ARL9: variants seen among roughly 807,000 people sequenced by gnomAD.
ARL9 encodes the protein ARF like GTPase 9.
ARL9 carries 14 observed loss-of-function variants against 27.0 expected under a neutral mutation model. The ratio of observed to expected loss-of-function variants is 0.52; its 90% CI spans 0.34 to 0.81. The LOEUF (loss-of-function observed/expected upper bound fraction) is 0.81. Ranked by LOEUF, ARL9 falls within the 30% of genes least tolerant of loss-of-function variation. The pLI, the probability that ARL9 is intolerant of heterozygous loss-of-function variation, is 0.01. For synonymous variants in ARL9, 106 were observed against 108.7 expected, an observed-to-expected ratio of 0.98 and a Z score of 0.15; for missense variants, 294 against 290.0, an observed-to-expected ratio of 1.01 and a Z score of -0.10.
chr4:56,505,938 G>A lies in ARL9; in HGVS notation c.76G>A (p.Glu26Lys). The change falls in exon 1 of 4, where the codon GAA (glutamate) becomes AAA (lysine). Residue 26 changes from glutamate (E) to lysine (K), a missense_variant. Glu to Lys is a moderately conservative substitution (Grantham distance 56). Coordinates refer to ENST00000640821, the MANE Select transcript of ARL9 (RefSeq NM_001363794.2). ...GGAGAAAATCGGAGAAAAGGGTAGG[G>A]AAGAGAAAGTGAAAAGAAAGGAGGT... ...QEEKIGEKGREEKVKRKEVEQ... is the reference protein window; with the variant it reads ...QEEKIGEKGRKEKVKRKEVEQ... 8.1e-7 allele frequency: 1 copy of A among 1,232,284 alleles called. No homozygotes were observed. The highest frequency in any genetic ancestry group is 1.0e-6 in the Non-Finnish European group (1 of 984,808). 76.3% of individuals were successfully genotyped at this position (1,232,284 alleles called of 1,614,324 possible).
At chr4:56,521,224 A>C (rs1721906940) in intron 3 of ARL9, among the ~76,000 whole-genome samples, 1 of 152,182 alleles carries the variant, frequency 6.6e-6, no homozygotes, top group East Asian at 1.9e-4. Context: ...AAACAAAAAA[A>C]AAAAAAAAAG....
chr4:56,523,711 C>T lies in ARL9; in HGVS notation c.633C>T (p.Ala211=). ...VFANKQDLEA[A]YHITDIHEAL... ...TCCGGATGAAGGATCTTGAAGCAGCCTATCACATTACAGATATCCATGAAG... is the reference window on the plus strand; with the variant it reads ...TCCGGATGAAGGATCTTGAAGCAGCTTATCACATTACAGATATCCATGAAG... The change falls in exon 4 of 4, where the codon GCC becomes GCT. Residue 211 remains alanine (A), a synonymous_variant. Transcript: ENST00000640821. 6.2e-7 allele frequency: 1 copy of T among 1,613,022 alleles called. No individual in the cohort carries two copies. The highest frequency in any genetic ancestry group is 8.5e-7 in the Non-Finnish European group (1 of 1,179,400).
chr4:56,518,585 G>A (rs966193238), intron 2 of ARL9, 93 bp from the exon 3 acceptor site: 73 of 1,104,990 alleles, frequency 6.6e-5, no homozygotes, highest in Middle Eastern at 2.1e-4. Flanking sequence ...CCTGTCCTGT[G>A]TTCAGAAATC....
chr4:56,507,578 G>A (rs1578206464), intron 1 of ARL9, among the ~76,000 whole-genome samples: 1 of 150,814 alleles, frequency 6.6e-6, no homozygotes, highest in East Asian at 2.0e-4. Flanking sequence ...GCCTCCCAAA[G>A]TGCTGGGATT....
At chr4:56,520,598 A>C (rs1452833496) in intron 3 of ARL9, among the ~76,000 whole-genome samples, 1 of 152,196 alleles carries the variant, frequency 6.6e-6, no homozygotes, top group East Asian at 1.9e-4. Context: ...GTTGTATAAC[A>C]ATGTAAATAT....
chr4:56,518,147 C>CAGGCATGCACCAT (rs200378225), intron 2 of ARL9, among the ~76,000 whole-genome samples: 1 of 152,010 alleles, frequency 6.6e-6, no homozygotes, highest in Non-Finnish European at 1.5e-5. Flanking sequence ...GGTAGCACCA[C>CAGGCATGCACCAT]AGGCATGCAC....
At chr4:56,508,668 G>A (rs902248045) in intron 1 of ARL9, among the ~76,000 whole-genome samples, 1 of 152,190 alleles carries the variant, frequency 6.6e-6, no homozygotes, top group Admixed American at 6.5e-5. Flanking sequence ...TTACAGGTAA[G>A]AGCCACCGCA....
At chr4:56,518,343 C>T (rs897538508) in intron 2 of ARL9, among the ~76,000 whole-genome samples, 3 of 152,104 alleles carry the variant, frequency 2.0e-5, no homozygotes, top group Non-Finnish European at 4.4e-5. Context: ...GGCCTTACTC[C>T]CATTTTCTGA....
At chr4:56,522,013 T>C (rs1235474617) in intron 3 of ARL9, among the ~76,000 whole-genome samples, 1 of 150,436 alleles carries the variant, frequency 6.6e-6, no homozygotes, top group African/African-American at 2.4e-5. Flanking sequence ...TTTGACAGAG[T>C]CTCACTCCAT....
At position 56,518,809 on chromosome 4, in the gene ARL9, G is replaced by C; in HGVS notation, c.574G>C (p.Ala192Pro). 3.1e-6 allele frequency: 5 copies of C among 1,613,954 alleles called. No individual in the cohort carries two copies. Among genetic ancestry groups the C allele is most frequent in the Non-Finnish European group, 4.2e-6 (5 of 1,179,890 alleles). Reference sequence around the variant, plus strand: ...CAAGAAATACCTTCATCAGCTAATTGCAGCAAACCCAGTACTTCCTCTGGT... The same window carrying C: ...CAAGAAATACCTTCATCAGCTAATTCCAGCAAACCCAGTACTTCCTCTGGT... Reference protein sequence around the residue: ...EAKKYLHQLIAANPVLPLVVF... With the variant: ...EAKKYLHQLIPANPVLPLVVF... The change falls in exon 3 of 4, where the codon GCA (alanine) becomes CCA (proline). Residue 192 changes from alanine (A) to proline (P), a missense_variant. Coordinates refer to ENST00000640821, the MANE Select transcript of ARL9 (RefSeq NM_001363794.2).
At chr4:56,511,824 T>C (rs1721645209) in intron 2 of ARL9, among the ~76,000 whole-genome samples, 1 of 152,220 alleles carries the variant, frequency 6.6e-6, no homozygotes, top group Admixed American at 6.5e-5. Context: ...TTGTCTTCTC[T>C]TTACACAGTC....
At chr4:56,506,242 G>A (rs1158909291) in intron 1 of ARL9, 101 bp downstream of exon 1, 1 of 1,134,402 alleles carries the variant, frequency 8.8e-7, no homozygotes, top group Admixed American at 4.2e-5. Context: ...GACCGCGTGG[G>A]AGCGAATGGA....
intron 2 of ARL9, among the ~76,000 whole-genome samples, chr4:56,512,643 G>A (rs770442330): frequency 5.3e-5 from 8 of 151,032 alleles, no homozygotes; most frequent in Non-Finnish European, 1.2e-4. Context: ...GGGTTCAAGC[G>A]ATTCTCTTGC....
At chr4:56,508,783 A>G (rs555050386) in intron 1 of ARL9, among the ~76,000 whole-genome samples, 1 of 152,334 alleles carries the variant, frequency 6.6e-6, no homozygotes, top group African/African-American at 2.4e-5. Context: ...TCTCATTTTC[A>G]CATAGATGTT....
In ARL9 at chr4:56,524,230, A is replaced by G. The variant is rs114105293; in HGVS notation, c.*354A>G. The G allele has an allele frequency of 3.4e-3, 572 of 168,504 alleles. 7 individuals carry two copies. Among genetic ancestry groups the G allele is most frequent in the African/African-American group, 0.013 (544 of 42,204 alleles). 10.4% of individuals were successfully genotyped at this position (168,504 alleles called of 1,614,324 possible). On this transcript the variant is annotated 3_prime_UTR_variant, in exon 4 of 4. Coordinates refer to ENST00000640821, the MANE Select transcript of ARL9 (RefSeq NM_001363794.2). ...ATACACGAGTAGAAGTGTGTAGGTT[A>G]TATGTAAATATGCCATTTTCCATCA... is the stretch of plus-strand genomic sequence containing the variant.
upstream of ARL9, chr4:56,505,251 C>T: frequency 2.8e-6 from 1 of 353,380 alleles, no homozygotes; most frequent in Non-Finnish European, 5.7e-6. Flanking sequence ...AACTAATAAT[C>T]CTGGGTAGTA....
intron 2 of ARL9, among the ~76,000 whole-genome samples, chr4:56,516,344 T>C (rs1029341928): frequency 6.6e-6 from 1 of 151,650 alleles, no homozygotes; most frequent in Non-Finnish European, 1.5e-5. Context: ...ATAAGAAAGA[T>C]GGATAAATTT....
chr4:56,518,577 T>G lies in ARL9; in HGVS notation c.443-101T>G, dbSNP rs1721828028. The G allele has an allele frequency of 1.5e-5, 15 of 986,792 alleles. 1 individual carries two copies. In the East Asian group the frequency reaches 3.6e-4, roughly 24 times the overall value. 61.1% of individuals were successfully genotyped at this position (986,792 alleles called of 1,614,324 possible). On this transcript the variant is annotated intron_variant, in intron 2 of 3. Coordinates refer to ENST00000640821, the MANE Select transcript of ARL9 (RefSeq NM_001363794.2). ...CACGGTGATATTTTATCAAAACACC[T>G]GTCCTGTGTTCAGAAATCTAGATGT...
Position 56,518,741 on chromosome 4 carries a change from T to A in ARL9, c.506T>A (p.Ile169Asn). Residue 169 changes from isoleucine (I) to asparagine (N), a missense_variant, in exon 3 of 4, where the codon ATC (isoleucine) becomes AAC (asparagine). Physicochemically the swap from Ile to Asn is moderately radical, Grantham distance 149 (BLOSUM62 -3). Coordinates refer to ENST00000640821, the MANE Select transcript of ARL9 (RefSeq NM_001363794.2). ...TACCTATCCAAGGGATTGCTGCTGATCTTTGTGGTGGATTCAGCAGATCAC... is the reference window on the plus strand; with the variant it reads ...TACCTATCCAAGGGATTGCTGCTGAACTTTGTGGTGGATTCAGCAGATCAC... ...EMYLSKGLLL[I>N]FVVDSADHSR... 6.2e-7 allele frequency: 1 copy of A among 1,613,980 alleles called. No homozygotes were observed. The highest frequency in any genetic ancestry group is 8.5e-7 in the Non-Finnish European group (1 of 1,179,862).
Sources: gnomAD v4.1 joint callset for allele counts (sites outside exome capture counted in the v4.1 genomes callset) on GRCh38, gnomAD v4.1.1 for gene constraint, MANE v1.5 for transcripts, NCBI Gene and HGNC (gene_info 2026-07-23, HGNC 2026-07-21) for gene names.